KCNIP4: variants seen among roughly 807,000 people sequenced by gnomAD.
The protein encoded by KCNIP4 is potassium voltage-gated channel interacting protein 4, also known as Kv channel-interacting protein 4.
A neutral mutation model predicts 34.0 loss-of-function variants in KCNIP4; 12 were observed. The ratio of observed to expected loss-of-function variants is 0.35; its 90% CI spans 0.23 to 0.57. The LOEUF (loss-of-function observed/expected upper bound fraction) is 0.57. Ranked by LOEUF, KCNIP4 falls within the 20% of genes least tolerant of loss-of-function variation. The pLI is 0.83. For synonymous variants in KCNIP4, 124 were observed against 102.2 expected (o/e 1.21, Z -1.29); for missense variants, 238 against 311.7 (o/e 0.76, Z 1.78).
At chr4:21,250,170 A>C (rs1760595198) in intron 1 of KCNIP4, among the ~76,000 whole-genome samples, 1 of 150,862 alleles carries the variant, frequency 6.6e-6, no homozygotes, top group Non-Finnish European at 1.5e-5. Flanking sequence ...ACAGGTGGAC[A>C]TAAAAGTATC....
intron 1 of KCNIP4, among the ~76,000 whole-genome samples, chr4:21,519,776 CGTGT>C (rs987431349): frequency 4.5e-5 from 5 of 111,378 alleles, no homozygotes; most frequent in African/African-American, 1.8e-4. Flanking sequence ...TGTATACACA[CGTGT>C]GTGTATGTGT....
intron 1 of KCNIP4, among the ~76,000 whole-genome samples, chr4:21,791,885 C>A (rs916628021): frequency 1.5e-4 from 23 of 150,598 alleles, no homozygotes; most frequent in African/African-American, 5.4e-4. Flanking sequence ...GTCTGTAATC[C>A]CAGCTACTCG....
chr4:21,901,110 A>G (rs1727680797), intron 1 of KCNIP4, among the ~76,000 whole-genome samples: 1 of 152,236 alleles, frequency 6.6e-6, no homozygotes, highest in Admixed American at 6.5e-5. Flanking sequence ...GAAGTTGTAA[A>G]AGTTTTCAGC....
intron 1 of KCNIP4, among the ~76,000 whole-genome samples, chr4:21,461,918 A>G (rs1267701031): frequency 6.6e-6 from 1 of 151,980 alleles, no homozygotes; most frequent in Non-Finnish European, 1.5e-5. Context: ...TTTTATTTTT[A>G]ATTGACACAA....
chr4:20,973,555 A>G (rs1382054379), intron 1 of KCNIP4, among the ~76,000 whole-genome samples: 1 of 152,162 alleles, frequency 6.6e-6, no homozygotes, highest in Non-Finnish European at 1.5e-5. Context: ...TCCTTTGAGA[A>G]CTATTTCTTT....
At chr4:21,523,726 C>A (rs988205197) in intron 1 of KCNIP4, among the ~76,000 whole-genome samples, 1 of 151,884 alleles carries the variant, frequency 6.6e-6, no homozygotes, top group Non-Finnish European at 1.5e-5. Flanking sequence ...TGTGTGCCAC[C>A]ACACCTGGGT....
At chr4:21,185,725 C>T (rs1755171548) in intron 1 of KCNIP4, among the ~76,000 whole-genome samples, 1 of 152,138 alleles carries the variant, frequency 6.6e-6, no homozygotes, top group Non-Finnish European at 1.5e-5. Context: ...TCCTTAGGGT[C>T]AAAATTATTC....
chr4:20,885,989 T>C (rs1299145225), intron 1 of KCNIP4, among the ~76,000 whole-genome samples: 1 of 152,218 alleles, frequency 6.6e-6, no homozygotes, highest in African/African-American at 2.4e-5. Context: ...ACAGTTATTA[T>C]AGATGCCCAT....
intron 1 of KCNIP4, among the ~76,000 whole-genome samples, chr4:21,558,526 CAAAAT>C (rs1262495237): frequency 1.1e-5 from 1 of 88,870 alleles, no homozygotes; most frequent in Non-Finnish European, 2.5e-5. Context: ...ATAAATAAAA[CAAAAT>C]AAATGAGATT....
chr4:21,017,802 C>T (rs1473445363), intron 1 of KCNIP4, among the ~76,000 whole-genome samples: 1 of 152,110 alleles, frequency 6.6e-6, no homozygotes, highest in African/African-American at 2.4e-5. Flanking sequence ...ATTTATATGT[C>T]CACCAACAGT....
At chr4:20,856,727 C>G (rs1721620417) in intron 2 of KCNIP4, among the ~76,000 whole-genome samples, 1 of 152,114 alleles carries the variant, frequency 6.6e-6, no homozygotes, top group African/African-American at 2.4e-5. Flanking sequence ...GTTGGTGGAC[C>G]TCAAATGTCT....
rs530300881 is a variant in KCNIP4 at position 21,331,315 on chromosome 4, T to A, written c.62-448606A>T. On this transcript the variant is annotated intron_variant, in intron 1 of 8. Transcript: ENST00000382152. ...GATGCTTTTTAAAATTTATTTTGTG[T>A]CTTCCTTCCCTTCCTTTCTTCCCTT... is the stretch of plus-strand genomic sequence containing the variant. 2.6e-5 allele frequency among the ~76,000 whole-genome samples: 4 copies of A among 152,276 alleles called. No individual in the cohort carries two copies. In the South Asian group the frequency reaches 8.3e-4, roughly 32 times the overall value.
intron 1 of KCNIP4, among the ~76,000 whole-genome samples, chr4:21,794,040 G>T (rs7656546): frequency 0.078 from 11,844 of 152,118 alleles, 542 homozygotes; most frequent in Middle Eastern, 0.14. Flanking sequence ...ACCAAACCCC[G>T]CATGTTCTCA....
chr4:20,774,989 C>T (rs1756250465), intron 3 of KCNIP4, among the ~76,000 whole-genome samples: 1 of 152,212 alleles, frequency 6.6e-6, no homozygotes, highest in African/African-American at 2.4e-5. Flanking sequence ...GCATTCTAAA[C>T]ACTCAGCATC....
intron 1 of KCNIP4, among the ~76,000 whole-genome samples, chr4:21,188,356 G>A (rs569668264): frequency 5.9e-5 from 9 of 152,170 alleles, no homozygotes; most frequent in Non-Finnish European, 7.3e-5. Context: ...ACAGCTGCAA[G>A]CAACCAAAGG....
At chr4:20,821,253 T>C (rs565388281) in intron 3 of KCNIP4, among the ~76,000 whole-genome samples, 1 of 152,368 alleles carries the variant, frequency 6.6e-6, no homozygotes, top group East Asian at 1.9e-4. Context: ...GTTTGCCTTG[T>C]CGGGTTTAAA....
chr4:20,825,414 A>G (rs1201976942), intron 3 of KCNIP4, among the ~76,000 whole-genome samples: 1 of 152,118 alleles, frequency 6.6e-6, no homozygotes, highest in African/African-American at 2.4e-5. Flanking sequence ...GTGGTAGAAA[A>G]AAATCTCATA....
In KCNIP4 at chr4:21,540,040, A is replaced by G. The variant is rs189671842; in HGVS notation, c.61+408531T>C. 1.1e-3 allele frequency among the ~76,000 whole-genome samples: 161 copies of G among 152,210 alleles called. 1 individual carries two copies. Among genetic ancestry groups the G allele is most frequent in the Middle Eastern group, 3.4e-3 (1 of 294 alleles). ...GAATTATTTTGTGCTTATTTACACAAGCTCAAATAGGAGTGAACAAAGTTT... is the reference window on the plus strand; with the variant it reads ...GAATTATTTTGTGCTTATTTACACAGGCTCAAATAGGAGTGAACAAAGTTT... On this transcript the variant is annotated intron_variant, in intron 1 of 8. Transcript: ENST00000382152.
At chr4:21,355,125 C>A (rs561933803) in intron 1 of KCNIP4, among the ~76,000 whole-genome samples, 1 of 152,206 alleles carries the variant, frequency 6.6e-6, no homozygotes, top group East Asian at 1.9e-4. Flanking sequence ...CACAATGTAC[C>A]AGATTCTCTG....
Sources: gnomAD v4.1 joint callset for allele counts (sites outside exome capture counted in the v4.1 genomes callset) on GRCh38, gnomAD v4.1.1 for gene constraint, MANE v1.5 for transcripts, NCBI Gene and HGNC (gene_info 2026-07-23, HGNC 2026-07-21) for gene names.